Variants in GUCY2C observed in about 807,000 individuals in gnomAD.
GUCY2C encodes the protein guanylyl cyclase C.
In GUCY2C, 118 loss-of-function variants were observed where a neutral mutation model predicts 131.1. That is an observed-to-expected ratio of 0.90 (90% CI 0.78 to 1.05). The LOEUF (loss-of-function observed/expected upper bound fraction) is 1.05. Among genes scored for constraint, GUCY2C ranks in the 50% least tolerant of loss-of-function variants. The pLI is 0.00. For missense variants in GUCY2C, 1,161 were observed against 1,304.4 expected (o/e 0.89, Z 1.69); for synonymous variants, 452 against 457.8 (o/e 0.99, Z 0.16).
intron 9 of GUCY2C, among the ~76,000 whole-genome samples, chr12:14,671,467 T>A (rs1295241536): frequency 1.3e-5 from 2 of 152,178 alleles, no homozygotes; most frequent in African/African-American, 4.8e-5. Flanking sequence ...CTTTACTCTT[T>A]CTTTCTTTTT....
chr12:14,690,578 G>T (rs934675519), intron 1 of GUCY2C, among the ~76,000 whole-genome samples: 1 of 151,742 alleles, frequency 6.6e-6, no homozygotes, highest in East Asian at 1.9e-4. Context: ...AGTCTGCACT[G>T]TTGCTCTGGC....
Position 14,626,777 on chromosome 12 carries a change from A to T in GUCY2C, c.2250-862T>A, listed in dbSNP as rs149978804. 2.9e-3 allele frequency among the ~76,000 whole-genome samples: 442 copies of T among 152,264 alleles called. 3 individuals carry two copies. The highest frequency in any genetic ancestry group is 9.8e-3 in the African/African-American group (407 of 41,550). On this transcript the variant is annotated intron_variant, in intron 20 of 26. Transcript: ENST00000261170. ...AAAAGTCAGTTTATAAAATAGCAAA[A>T]ATTATAATCTCAATTTTATTTTTTG...
At chr12:14,653,471 C>A (rs148884709) in intron 12 of GUCY2C, among the ~76,000 whole-genome samples, 5 of 152,266 alleles carry the variant, frequency 3.3e-5, no homozygotes, top group Non-Finnish European at 7.4e-5. Flanking sequence ...GGGTTCAGCC[C>A]GAAGTTGCTA....
intron 2 of GUCY2C, among the ~76,000 whole-genome samples, chr12:14,686,750 C>A (rs532743098): frequency 1.3e-5 from 2 of 152,298 alleles, no homozygotes; most frequent in African/African-American, 4.8e-5. Context: ...CCAGGTTATA[C>A]CTCTCTCTGT....
chr12:14,651,270 G>T (rs1018595390), intron 15 of GUCY2C, 137 bp downstream of exon 15: 12 of 513,330 alleles, frequency 2.3e-5, no homozygotes, highest in Non-Finnish European at 6.9e-6. Context: ...AAATCTCGGG[G>T]ATCTAGTTTG....
intron 10 of GUCY2C, 117 bp from the exon 11 acceptor site, chr12:14,661,179 T>C: frequency 1.5e-6 from 1 of 653,800 alleles, no homozygotes; most frequent in Admixed American, 2.7e-5. Flanking sequence ...AAAAAATTTA[T>C]TTTTTATTAA....
chr12:14,649,292 A>G (rs963218087), intron 15 of GUCY2C, among the ~76,000 whole-genome samples: 2 of 152,242 alleles, frequency 1.3e-5, no homozygotes, highest in African/African-American at 4.8e-5. Flanking sequence ...ATATCATAAT[A>G]TTACATTAGT....
chr12:14,696,572 G>A lies in GUCY2C; in HGVS notation c.-124C>T, dbSNP rs1322858243. ...AGTCCCTCAGCCCACTCTTCCCCAC[G>A]CTTCTCTCTGGTCATGCCCAACTGG... On this transcript the variant is annotated 5_prime_UTR_variant, in exon 1 of 27. Transcript: ENST00000261170. 6 of 691,952 alleles carry A rather than the reference G, an allele frequency of 8.7e-6. No homozygotes were observed. In the African/African-American group the frequency reaches 8.9e-5, roughly 10 times the overall value. The allele number at this position is 691,952 out of a possible 1,614,324, so 42.9% of individuals were successfully genotyped here. A position where few individuals can be genotyped will look rare whatever the true frequency, so the allele number is the denominator to read the frequency against.
intron 9 of GUCY2C, 23 bp from the exon 10 acceptor site, chr12:14,669,856 A>G: frequency 1.0e-6 from 1 of 972,738 alleles, no homozygotes. Context: ...ACAAAAAAGA[A>G]AAAGGATGAA....
chr12:14,637,327 T>G (rs1309209827), intron 19 of GUCY2C, among the ~76,000 whole-genome samples: 2 of 152,082 alleles, frequency 1.3e-5, no homozygotes, highest in Non-Finnish European at 2.9e-5. Context: ...GCTCATGGAT[T>G]GGAAGAGTTA....
At chr12:14,666,491 T>C (rs1350091677) in intron 10 of GUCY2C, among the ~76,000 whole-genome samples, 2 of 152,264 alleles carry the variant, frequency 1.3e-5, no homozygotes, top group African/African-American at 2.4e-5. Flanking sequence ...TCTCAGAACT[T>C]TGGGAGGCCG....
chr12:14,627,172 AT>A (rs1357465235), intron 20 of GUCY2C, among the ~76,000 whole-genome samples: 1 of 152,214 alleles, frequency 6.6e-6, no homozygotes, highest in Admixed American at 6.5e-5. Context: ...CTAAGGCACA[AT>A]TGAAGGTGCT....
chr12:14,666,816 TTTC>T (rs1947991914), intron 10 of GUCY2C, among the ~76,000 whole-genome samples: 1 of 152,096 alleles, frequency 6.6e-6, no homozygotes, highest in Admixed American at 6.5e-5. Flanking sequence ...GCCTAAATAA[TTTC>T]TTTTTAACTC....
intron 18 of GUCY2C, among the ~76,000 whole-genome samples, 153 bp downstream of exon 18, chr12:14,640,929 A>G (rs1382667166): frequency 1.3e-5 from 2 of 152,202 alleles, no homozygotes; most frequent in African/African-American, 4.8e-5. Flanking sequence ...AATCTTCCTT[A>G]TATTCTTATA....
At chr12:14,670,914 A>G (rs111984153) in intron 9 of GUCY2C, among the ~76,000 whole-genome samples, 89 of 151,586 alleles carry the variant, frequency 5.9e-4, no homozygotes, top group African/African-American at 2.0e-3. Flanking sequence ...TGGAGGGTGA[A>G]AGGCACTTCT....
chr12:14,651,029 A>G (rs576079479), intron 15 of GUCY2C, among the ~76,000 whole-genome samples: 5 of 152,334 alleles, frequency 3.3e-5, no homozygotes, highest in African/African-American at 1.2e-4. Context: ...TAATTTGGAC[A>G]GCAGCAGAAC....
At chr12:14,665,756 G>A (rs1042906545) in intron 10 of GUCY2C, 5 of 152,204 alleles carry the variant, frequency 3.3e-5, no homozygotes, top group African/African-American at 1.2e-4. Flanking sequence ...TGAAAGAACA[G>A]GGATGGTGTA....
Position 14,628,725 on chromosome 12 carries a change from C to T in GUCY2C, c.2170G>A (p.Val724Ile). 1 of 1,568,440 alleles carries T rather than the reference C, an allele frequency of 6.4e-7. No individual in the cohort carries two copies. Among genetic ancestry groups the T allele is most frequent in the Non-Finnish European group, 8.7e-7 (1 of 1,144,250 alleles). Residue 724 changes from valine to isoleucine, a missense_variant, in exon 20 of 27, where the codon GTA (valine) becomes ATA (isoleucine). By Grantham distance (29) the Val-to-Ile change is conservative. Coordinates refer to ENST00000261170, the MANE Select transcript of GUCY2C (RefSeq NM_004963.4). ...EEKELEVYLLVKNCWEEDPEK... is the reference protein window; with the variant it reads ...EEKELEVYLLIKNCWEEDPEK... ...GGATCTTCCTCCCAACAGTTTTTTA[C>T]AAGTAGGTACACCTGGAAGAAAAAA...
In GUCY2C at chr12:14,624,512, AC is replaced by A. The variant is rs528488048; in HGVS notation, c.2408+1244del. 1.5e-3 allele frequency among the ~76,000 whole-genome samples: 230 copies of A among 152,304 alleles called. 2 individuals carry two copies. Among genetic ancestry groups the A allele is most frequent in the African/African-American group, 5.3e-3 (220 of 41,594 alleles). ...AAGAAACTTCTATTTTAATGTATTT[AC>A]CCCAAGGGGTACTATTCAAATAAAT... is the stretch of plus-strand genomic sequence containing the variant. On this transcript the variant is annotated intron_variant, in intron 21 of 26. Coordinates refer to ENST00000261170, the MANE Select transcript of GUCY2C (RefSeq NM_004963.4).
Sources: allele counts gnomAD v4.1 joint callset (sites outside exome capture counted in the v4.1 genomes callset), GRCh38; gene constraint gnomAD v4.1.1; transcripts MANE v1.5; gene names NCBI Gene and HGNC (gene_info 2026-07-23, HGNC 2026-07-21).